Variants in ABHD12B observed in about 807,000 individuals in gnomAD.
The protein encoded by ABHD12B is protein ABHD12B.
Under a neutral mutation model 50.4 loss-of-function variants are expected in ABHD12B, and 42 were observed. That is an observed-to-expected ratio of 0.83 (90% CI 0.65 to 1.08). The LOEUF is 1.08. Ranked by LOEUF, ABHD12B falls within the 50% of genes least tolerant of loss-of-function variation. The pLI is 0.00. For missense variants in ABHD12B, 479 were observed against 447.7 expected, an observed-to-expected ratio of 1.07 and a Z score of -0.63; for synonymous variants, 167 against 160.3, an observed-to-expected ratio of 1.04 and a Z score of -0.32.
chr14:50,892,144 T>C (rs1481405889), intron 9 of ABHD12B: 2 of 152,422 alleles, frequency 1.3e-5, no homozygotes, highest in African/African-American at 4.8e-5. Context: ...TTTCTAACAT[T>C]GAGTCTTCAA....
intron 9 of ABHD12B, chr14:50,892,471 G>A: frequency 1.0e-6 from 1 of 985,416 alleles, no homozygotes; most frequent in Non-Finnish European, 1.2e-6. Flanking sequence ...GCTAAGGTAG[G>A]CAGTGGAGGA....
intron 1 of ABHD12B, among the ~76,000 whole-genome samples, chr14:50,875,089 GC>G (rs1156620476): frequency 6.6e-6 from 1 of 152,204 alleles, no homozygotes; most frequent in East Asian, 1.9e-4. Flanking sequence ...GTTGTCTGTG[GC>G]CTGATAGAGT....
chr14:50,893,652 G>C (rs1300973746), intron 9 of ABHD12B: 3 of 167,174 alleles, frequency 1.8e-5, no homozygotes, highest in African/African-American at 7.2e-5. Flanking sequence ...TCCCTTGGGA[G>C]ATCAATCCCC....
intron 8 of ABHD12B, among the ~76,000 whole-genome samples, chr14:50,887,659 A>T (rs746727138): frequency 1.3e-5 from 2 of 152,184 alleles, no homozygotes; most frequent in African/African-American, 2.4e-5. Flanking sequence ...CTTCTTCCAG[A>T]TATAATTTAC....
chr14:50,891,152 T>A (rs1003253361), intron 9 of ABHD12B: 2 of 152,216 alleles, frequency 1.3e-5, no homozygotes, highest in Non-Finnish European at 2.9e-5. Flanking sequence ...AGATGCTGGA[T>A]ATGAGTCATT....
chr14:50,897,047 C>T (rs971579363), intron 9 of ABHD12B, among the ~76,000 whole-genome samples: 9 of 148,998 alleles, frequency 6.0e-5, no homozygotes, highest in African/African-American at 2.0e-4. Context: ...GTACATAAGC[C>T]TAATAATATT....
chr14:50,895,424 T>G (rs2142761964), intron 9 of ABHD12B: 1 of 152,042 alleles, frequency 6.6e-6, no homozygotes, highest in South Asian at 2.1e-4. Context: ...CTCCAGAACC[T>G]CCTCCCACAG....
chr14:50,885,284 T>C (rs1426443744), intron 5 of ABHD12B, among the ~76,000 whole-genome samples: 4 of 152,220 alleles, frequency 2.6e-5, no homozygotes, highest in Non-Finnish European at 5.9e-5. Flanking sequence ...TACAGATACC[T>C]AGAGCATCCT....
chr14:50,881,614 G>A lies in ABHD12B; in HGVS notation c.474G>A (p.Leu158=), dbSNP rs1422336389. 2 of 1,599,792 alleles carry A rather than the reference G, an allele frequency of 1.3e-6. No individual in the cohort carries two copies. Among genetic ancestry groups the A allele is most frequent in the East Asian group, 2.2e-5 (1 of 44,512 alleles). Reference sequence around the variant, plus strand: ...TTCACAGGGCAGCTTCGCACAGACTGAAGCTGGTAAAGGTATGTCTGAAGA... The same window carrying A: ...TTCACAGGGCAGCTTCGCACAGACTAAAGCTGGTAAAGGTATGTCTGAAGA... ...SAEHRAASHR[L]KLVKVLSDGG... Residue 158 remains leucine (L), a synonymous_variant, in exon 5 of 13, where the codon CTG becomes CTA. Coordinates refer to ENST00000337334, the MANE Select transcript of ABHD12B (RefSeq NM_001206673.2).
chr14:50,882,373 C>CTTTTTTTTTGTTT (rs2049965436), intron 5 of ABHD12B, among the ~76,000 whole-genome samples: 1 of 81,844 alleles, frequency 1.2e-5, no homozygotes, highest in East Asian at 4.6e-4. Flanking sequence ...AGAATGTCTG[C>CTTTTTTTTTGTTT]TTTTTTTTTT....
At chr14:50,884,661 C>CT (rs2050008343) in intron 5 of ABHD12B, among the ~76,000 whole-genome samples, 1 of 150,468 alleles carries the variant, frequency 6.6e-6, no homozygotes, top group East Asian at 1.9e-4. Context: ...AAATTTTGTC[C>CT]TTTTTTATCT....
Position 50,896,039 on chromosome 14 carries a change from T to A in ABHD12B, c.781-5790T>A, listed in dbSNP as rs1013620706. Reference sequence around the variant, plus strand: ...CCAATCCAAAGCCTCCTTTGCGTCCTCCTCTTGTATCCCCCGACCTTAACC... The same window carrying A: ...CCAATCCAAAGCCTCCTTTGCGTCCACCTCTTGTATCCCCCGACCTTAACC... On this transcript the variant is annotated intron_variant, in intron 9 of 12. Coordinates refer to ENST00000337334, the MANE Select transcript of ABHD12B (RefSeq NM_001206673.2). Among the ~76,000 whole-genome samples the A allele has an allele frequency of 8.1e-4, 122 of 150,300 alleles. 1 individual carries two copies. Among genetic ancestry groups the A allele is most frequent in the African/African-American group, 2.5e-3 (102 of 40,988 alleles).
chr14:50,885,988 C>G, intron 7 of ABHD12B, 93 bp downstream of exon 7: 1 of 1,549,840 alleles, frequency 6.5e-7, no homozygotes, highest in Non-Finnish European at 8.8e-7. Context: ...GAGCACCGAG[C>G]CAGAAGACAG....
chr14:50,895,397 G>A (rs199619678), intron 9 of ABHD12B, among the ~76,000 whole-genome samples: 231 of 146,686 alleles, frequency 1.6e-3, no homozygotes, highest in African/African-American at 2.5e-3. Context: ...CGCCTGAACC[G>A]CAGCAGCCAG....
At chr14:50,884,477 T>A (rs959257106) in intron 5 of ABHD12B, among the ~76,000 whole-genome samples, 1 of 152,198 alleles carries the variant, frequency 6.6e-6, no homozygotes, top group South Asian at 2.1e-4. Context: ...AGCGCAGTAT[T>A]TGGACAGGGG....
At chr14:50,897,804 A>C (rs956762946) in intron 9 of ABHD12B, among the ~76,000 whole-genome samples, 1 of 152,246 alleles carries the variant, frequency 6.6e-6, no homozygotes. Flanking sequence ...TGAAGACTGA[A>C]TTAAGTAAGA....
Position 50,885,777 on chromosome 14 carries a change from T to G in ABHD12B, c.544T>G (p.Ser182Ala), listed in dbSNP as rs148811041. ...TTTCTTGCTGCCAGGATTTGGGGAC[T>G]CTACAGGTAAGCCCACAGAGGAGGG... ...LSVDYRGFGD[S>A]TGKPTEEGLT... The change falls in exon 7 of 13, where the codon TCT becomes GCT. Residue 182 changes from serine (S) to alanine (A), a missense_variant. Physicochemically the swap from Ser to Ala is moderately conservative, Grantham distance 99 (BLOSUM62 1). Transcript: ENST00000337334. 2.0e-5 allele frequency: 33 copies of G among 1,614,086 alleles called. No individual in the cohort carries two copies. The African/African-American group carries it at 3.9e-4, about 19-fold the overall frequency.
intron 2 of ABHD12B, among the ~76,000 whole-genome samples, chr14:50,878,307 A>G (rs1239712829): frequency 3.3e-5 from 5 of 152,232 alleles, no homozygotes; most frequent in Admixed American, 3.3e-4. Context: ...TTCCATTCAC[A>G]GTCCTTCTAG....
rs1285207380 is a variant in ABHD12B, at chr14:50,904,184, A to G, written c.1053A>G (p.Ile351Met). 1.9e-6 allele frequency: 3 copies of G among 1,614,124 alleles called. No individual in the cohort carries two copies. Among genetic ancestry groups the G allele is most frequent in the Admixed American group, 3.3e-5 (2 of 60,022 alleles). Reference protein sequence around the residue: ...NLLCKSPTLLITVRDFLSKQW... With the variant: ...NLLCKSPTLLMTVRDFLSKQW... ...TTTGTAAAAGCCCCACACTGTTAAT[A>G]ACCGTGAGGTAAGAGTTGCTTTGCT... Residue 351 changes from isoleucine (I) to methionine (M), a missense_variant, in exon 12 of 13, where the codon ATA (isoleucine) becomes ATG (methionine). Physicochemically the swap from Ile to Met is conservative, Grantham distance 10. Transcript: ENST00000337334.
Sources: gnomAD v4.1 joint callset for allele counts (sites outside exome capture counted in the v4.1 genomes callset) on GRCh38, gnomAD v4.1.1 for gene constraint, MANE v1.5 for transcripts, NCBI Gene and HGNC (gene_info 2026-07-23, HGNC 2026-07-21) for gene names.